The following TANC2 variants were observed in gnomAD, a reference collection of about 807,000 sequenced individuals.
The protein encoded by TANC2 is protein TANC2.
A neutral mutation model predicts 210.5 loss-of-function variants in TANC2; 26 were observed. That is an observed-to-expected ratio of 0.12 (90% CI 0.09 to 0.17). TANC2 has a LOEUF of 0.17. Among genes scored for constraint, TANC2 ranks in the 10% least tolerant of loss-of-function variants. The probability of loss-of-function intolerance (pLI) is 1.00; values close to 1 mark genes in which losing one functional copy is unlikely to be tolerated. For synonymous variants in TANC2, 931 were observed against 967.1 expected (o/e 0.96, Z 0.69); for missense variants, 2,129 against 2,608.9 (o/e 0.82, Z 4.01).
At chr17:63,393,917 C>T (rs912915075) in intron 17 of TANC2, among the ~76,000 whole-genome samples, 141 of 151,966 alleles carry the variant, frequency 9.3e-4, no homozygotes, top group Non-Finnish European at 1.5e-3. Flanking sequence ...ATTACAGGCA[C>T]CCACCACCAC....
chr17:63,298,936 G>T (rs759154784), intron 9 of TANC2, among the ~76,000 whole-genome samples: 1 of 151,820 alleles, frequency 6.6e-6, no homozygotes, highest in Non-Finnish European at 1.5e-5. Context: ...CACATCCCCC[G>T]ACTGGCCCTG....
intron 5 of TANC2, among the ~76,000 whole-genome samples, chr17:63,169,261 A>G (rs908986994): frequency 2.0e-5 from 3 of 152,098 alleles, no homozygotes; most frequent in African/African-American, 7.2e-5. Flanking sequence ...TCCATTGCCT[A>G]TTACTTATGT....
At position 63,421,357 on chromosome 17, in the gene TANC2, C is replaced by A. The variant is rs1262075337; in HGVS notation, c.5627C>A (p.Thr1876Asn). The A allele has an allele frequency of 6.2e-7, 1 of 1,614,048 alleles. No individual in the cohort carries two copies. Among genetic ancestry groups the A allele is most frequent in the East Asian group, 2.2e-5 (1 of 44,888 alleles). ...CCATCTAGCAATAGTATCTCCTCCA[C>A]CTCCAACCTAACTCCGACCTTCCGG... is the stretch of plus-strand genomic sequence containing the variant. Residue 1876 changes from threonine to asparagine, a missense_variant, in exon 28 of 28, where the codon ACC (threonine) becomes AAC (asparagine). This residue lies in a region of TANC2 where 584 missense variants were observed against 627.3 expected (regional missense o/e 0.93). Transcript: ENST00000689528. The surrounding 1 kb of genome is among the most constrained non-coding windows in gnomAD (Gnocchi z 6.9).
intron 10 of TANC2, among the ~76,000 whole-genome samples, chr17:63,315,012 C>T (rs1379228885): frequency 6.6e-6 from 1 of 152,114 alleles, no homozygotes; most frequent in African/African-American, 2.4e-5. Context: ...TCAGTCTGTG[C>T]CCAGTTCTTC....
At chr17:63,242,570 C>T (rs1372946387) in intron 8 of TANC2, among the ~76,000 whole-genome samples, 5 of 151,978 alleles carry the variant, frequency 3.3e-5, no homozygotes, top group Admixed American at 2.0e-4. Flanking sequence ...AGCTAATTCC[C>T]TGCAGATACC....
At chr17:63,286,759 T>G (rs2044234173) in intron 9 of TANC2, among the ~76,000 whole-genome samples, 1 of 152,186 alleles carries the variant, frequency 6.6e-6, no homozygotes, top group African/African-American at 2.4e-5. Context: ...TATCTCACAG[T>G]TCACTGATGC....
At chr17:63,426,106 G>A (rs1247806830) in exon 28 of TANC2, 1 of 152,364 alleles carries the variant, frequency 6.6e-6, no homozygotes, top group African/African-American at 2.4e-5. Flanking sequence ...CACCCTGCCT[G>A]TCTGTTCCTG....
At chr17:63,212,150 A>G (rs551615603) in intron 7 of TANC2, among the ~76,000 whole-genome samples, 71 of 152,032 alleles carry the variant, frequency 4.7e-4, no homozygotes, top group East Asian at 1.9e-4. Context: ...TGTCCTTGTG[A>G]TAGTTTGCTG....
At chr17:63,000,181 A>G (rs542928847) in intron 1 of TANC2, among the ~76,000 whole-genome samples, 1 of 152,304 alleles carries the variant, frequency 6.6e-6, no homozygotes, top group African/African-American at 2.4e-5. Context: ...TGTCACACGC[A>G]TTTTACCAAG....
chr17:63,235,328 A>G (rs2042591318), intron 7 of TANC2, among the ~76,000 whole-genome samples: 1 of 152,084 alleles, frequency 6.6e-6, no homozygotes, highest in Non-Finnish European at 1.5e-5. Flanking sequence ...CTATTTTTTA[A>G]GATTTTACAA....
At chr17:63,196,906 A>G (rs2041363871) in intron 6 of TANC2, among the ~76,000 whole-genome samples, 1 of 152,190 alleles carries the variant, frequency 6.6e-6, no homozygotes, top group African/African-American at 2.4e-5. Context: ...ACACTGCCAG[A>G]AAGTGATGGA....
At chr17:63,145,446 T>G (rs1383790005) in intron 4 of TANC2, among the ~76,000 whole-genome samples, 2 of 152,200 alleles carry the variant, frequency 1.3e-5, no homozygotes, top group Admixed American at 6.6e-5. Flanking sequence ...TAGTTTTCTC[T>G]TTCCAGATAA....
At chr17:63,212,920 A>G (rs2041927441) in intron 7 of TANC2, among the ~76,000 whole-genome samples, 2 of 152,184 alleles carry the variant, frequency 1.3e-5, no homozygotes, top group African/African-American at 2.4e-5. Context: ...TACTCTATTC[A>G]TTATTCAATA....
At position 63,261,992 on chromosome 17, in the gene TANC2, A is replaced by G. The variant is rs577588390; in HGVS notation, c.1034-5756A>G. 4.6e-5 allele frequency among the ~76,000 whole-genome samples: 7 copies of G among 152,318 alleles called. No individual in the cohort carries two copies. In the South Asian group the frequency reaches 1.0e-3, roughly 23 times the overall value. On this transcript the variant is annotated intron_variant, in intron 8 of 27. Transcript: ENST00000689528. ...ATTCCTCAAACTCTGACACAGTCCT[A>G]TCTGAATGGTTTGTTATCTAAAAAC...
intron 11 of TANC2, among the ~76,000 whole-genome samples, chr17:63,333,592 T>C (rs2045929368): frequency 6.6e-6 from 1 of 152,198 alleles, no homozygotes; most frequent in African/African-American, 2.4e-5. Context: ...ATTTAGAATA[T>C]TACATATACT....
chr17:63,109,652 G>A (rs894941546), intron 4 of TANC2, among the ~76,000 whole-genome samples: 1 of 151,644 alleles, frequency 6.6e-6, no homozygotes, highest in African/African-American at 2.4e-5. Flanking sequence ...CCCTATTCTA[G>A]ACAGTGTTAA....
intron 9 of TANC2, among the ~76,000 whole-genome samples, chr17:63,296,305 C>T (rs2044534528): frequency 6.6e-6 from 1 of 151,888 alleles, no homozygotes; most frequent in Non-Finnish European, 1.5e-5. Flanking sequence ...ACTGGCTGAC[C>T]ACTGAGATAA....
chr17:63,078,653 A>G (rs1275480984), intron 3 of TANC2, among the ~76,000 whole-genome samples: 3 of 152,066 alleles, frequency 2.0e-5, no homozygotes, highest in Non-Finnish European at 2.9e-5. Flanking sequence ...CCCATGTGTT[A>G]TTTAGAAGTA....
chr17:63,285,298 C>T (rs2044187315), intron 9 of TANC2, among the ~76,000 whole-genome samples: 1 of 151,880 alleles, frequency 6.6e-6, no homozygotes, highest in Admixed American at 6.6e-5. Flanking sequence ...TTGTTCTCAT[C>T]CTGCTTTTCT....
Sources: gnomAD v4.1 joint callset for allele counts (sites outside exome capture counted in the v4.1 genomes callset) on GRCh38, gnomAD v4.1.1 for gene constraint, gnomAD v4.1.1 regional missense constraint, Gnocchi (gnomAD v3.1) non-coding constraint, MANE v1.5 for transcripts, NCBI Gene and HGNC (gene_info 2026-07-23, HGNC 2026-07-21) for gene names.